Variants in SH3TC1 observed in about 807,000 individuals in gnomAD.
SH3TC1 encodes the protein SH3 domain and tetratricopeptide repeat-containing protein 1.
Under a neutral mutation model 117.3 loss-of-function variants are expected in SH3TC1, and 135 were observed. That is an observed-to-expected ratio of 1.15 (90% CI 1.00 to 1.33). SH3TC1 has a LOEUF of 1.33. Among genes scored for constraint, SH3TC1 ranks in the 40% most tolerant of loss-of-function variants. SH3TC1 has a pLI of 0.00. For missense variants in SH3TC1, 2,092 were observed against 1,794.3 expected, an observed-to-expected ratio of 1.17 and a Z score of -3.00; for synonymous variants, 898 against 816.9, an observed-to-expected ratio of 1.10 and a Z score of -1.69.
At position 8,235,555 on chromosome 4, in the gene SH3TC1, G is replaced by T. The variant is rs750072125; in HGVS notation, c.3405G>T (p.Arg1135=). The T allele has an allele frequency of 6.3e-7, 1 of 1,594,282 alleles. No individual in the cohort carries two copies. The highest frequency in any genetic ancestry group is 1.7e-5 in the Admixed American group (1 of 57,264). Residue 1135 remains arginine (R), a splice_region_variant and synonymous_variant, in exon 15 of 18, where the codon CGG becomes CGT. Coordinates refer to ENST00000245105, the MANE Select transcript of SH3TC1 (RefSeq NM_018986.5). ...WEREKAVSFY[R]DRALPLAVTT... is the part of the protein sequence containing the mutation. ...GGGAGAAAGCTGTGTCCTTCTACCGGGTGAGCTGGCCTGTGGGCTGATGTG... is the reference window on the plus strand; with the variant it reads ...GGGAGAAAGCTGTGTCCTTCTACCGTGTGAGCTGGCCTGTGGGCTGATGTG...
At position 8,216,169 on chromosome 4, in the gene SH3TC1, G is replaced by A; in HGVS notation, c.540G>A (p.Leu180=). The A allele has an allele frequency of 6.2e-7, 1 of 1,613,868 alleles. No homozygotes were observed. Among genetic ancestry groups the A allele is most frequent in the Non-Finnish European group, 8.5e-7 (1 of 1,180,024 alleles). Residue 180 remains leucine, a synonymous_variant, in exon 6 of 18, where the codon TTG becomes TTA. Transcript: ENST00000245105. ...LLMDQAFWLL[L]PSEEEETAIQ... ...TGGACCAGGCCTTCTGGCTGCTCTT[G>A]CCCAGTGAGGAGGAGGAGACGGCCA... is the stretch of plus-strand genomic sequence containing the variant.
chr4:8,232,910 G>A (rs761441783), intron 13 of SH3TC1: 1 of 1,199,412 alleles, frequency 8.3e-7, no homozygotes, highest in Non-Finnish European at 1.1e-6. Flanking sequence ...AGGAGCTTGT[G>A]GCAAGTGGGA....
At chr4:8,239,371 G>C (rs760010236) in intron 17 of SH3TC1, among the ~76,000 whole-genome samples, 10 of 146,812 alleles carry the variant, frequency 6.8e-5, no homozygotes, top group Non-Finnish European at 1.2e-4. Flanking sequence ...ACAGGCACAC[G>C]CACACACAGG....
intron 17 of SH3TC1, 144 bp downstream of exon 17, chr4:8,237,814 G>A: frequency 2.2e-6 from 2 of 925,870 alleles, no homozygotes; most frequent in African/African-American, 1.7e-5. Context: ...TGGAGGAGCT[G>A]GCAAGGTTAG....
At position 8,218,251 on chromosome 4, in the gene SH3TC1, C is replaced by T. The variant is rs1235809172; in HGVS notation, c.840-20C>T. ...CAAATCTGAAATCCCGCAGCAAAGACCTCCCTCTTCCGGCTCCAGGTGGGC... is the reference window on the plus strand; with the variant it reads ...CAAATCTGAAATCCCGCAGCAAAGATCTCCCTCTTCCGGCTCCAGGTGGGC... On this transcript the variant is annotated intron_variant, in intron 7 of 17. Coordinates refer to ENST00000245105, the MANE Select transcript of SH3TC1 (RefSeq NM_018986.5). The T allele has an allele frequency of 1.9e-6, 3 of 1,601,520 alleles. No individual in the cohort carries two copies. Among genetic ancestry groups the T allele is most frequent in the Admixed American group, 1.7e-5 (1 of 59,702 alleles).
At position 8,240,865 on chromosome 4, in the gene SH3TC1, C is replaced by A. The variant is rs754814312; in HGVS notation, c.3921C>A (p.Phe1307Leu). 4.3e-6 allele frequency: 7 copies of A among 1,613,740 alleles called. No homozygotes were observed. Among genetic ancestry groups the A allele is most frequent in the Non-Finnish European group, 5.9e-6 (7 of 1,180,034 alleles). The change falls in exon 18 of 18, where the codon TTC becomes TTA. Residue 1307 changes from phenylalanine (F) to leucine (L), a missense_variant. Transcript: ENST00000245105. ...TCTTCTACCAGAAGGCCAGGACCTTCGCCACAGAGCTCAACGTCCGCAGGG... is the reference window on the plus strand; with the variant it reads ...TCTTCTACCAGAAGGCCAGGACCTTAGCCACAGAGCTCAACGTCCGCAGGG... ...SLFFYQKART[F>L]ATELNVRRVN...
chr4:8,227,281 G>C lies in SH3TC1; in HGVS notation c.1587G>C (p.Val529=). 6.2e-7 allele frequency: 1 copy of C among 1,606,898 alleles called. No individual in the cohort carries two copies. Among genetic ancestry groups the C allele is most frequent in the Non-Finnish European group, 8.5e-7 (1 of 1,177,222 alleles). The change falls in exon 12 of 18, where the codon GTG becomes GTC. Residue 529 remains valine, a synonymous_variant. Transcript: ENST00000245105. ...TGGCGCTGCCGTGGCTGAGCAGCGT[G>C]TTCCGCAGCTTCAGCGACGAGGAGG... The part of the protein sequence containing the change: ...YDVALPWLSS[V]FRSFSDEEEL...
intron 16 of SH3TC1, 182 bp downstream of exon 16, chr4:8,236,610 T>G: frequency 1.5e-6 from 1 of 687,834 alleles, no homozygotes; most frequent in Non-Finnish European, 2.2e-6. Flanking sequence ...CTTCACTCAG[T>G]GCAGAGCTCC....
At chr4:8,240,672 T>G in intron 17 of SH3TC1, 26 bp from the exon 18 acceptor site, 1 of 1,612,844 alleles carries the variant, frequency 6.2e-7, no homozygotes, top group East Asian at 2.2e-5. Context: ...GTCCCCCTTT[T>G]GCTGAGCATG....
chr4:8,231,468 C>G (rs1242004711), intron 12 of SH3TC1: 1 of 158,720 alleles, frequency 6.3e-6, no homozygotes, highest in African/African-American at 2.4e-5. Context: ...TTCCACCGTT[C>G]CCAGCGCCTT....
In SH3TC1 at chr4:8,186,681, C is replaced by G. The variant is rs981408003; in HGVS notation, c.-57+4471C>G. Among the ~76,000 whole-genome samples the G allele has an allele frequency of 6.6e-6, 1 of 152,148 alleles. No individual in the cohort carries two copies. The highest frequency in any genetic ancestry group is 2.4e-5 in the African/African-American group (1 of 41,426). On this transcript the variant is annotated intron_variant, in intron 1 of 16. Transcript: ENST00000508641. The surrounding 1 kb of genome is among the most constrained non-coding windows in gnomAD (Gnocchi z 5.2). ...CCTTGAGGCTGGGTGCGGTGGCTCA[C>G]GCCTGTAATCCCAGCACTTTGGGAG...
chr4:8,207,718 C>T (rs1051721893), intron 2 of SH3TC1, among the ~76,000 whole-genome samples: 6 of 152,196 alleles, frequency 3.9e-5, no homozygotes, highest in African/African-American at 7.2e-5. Flanking sequence ...TTTGGGCTTT[C>T]CCTGTGTCTT....
intron 2 of SH3TC1, among the ~76,000 whole-genome samples, chr4:8,208,738 C>T (rs1718409484): frequency 6.6e-6 from 1 of 152,346 alleles, no homozygotes; most frequent in Admixed American, 6.5e-5. Context: ...TAGGAATGGG[C>T]TCTGGCCACA....
chr4:8,223,693 C>T (rs989128043), intron 10 of SH3TC1, among the ~76,000 whole-genome samples: 2 of 149,146 alleles, frequency 1.3e-5, no homozygotes, highest in African/African-American at 5.0e-5. Flanking sequence ...AGTGCAGTGG[C>T]ATGATCTCGG....
At chr4:8,238,312 G>A (rs936929237) in intron 17 of SH3TC1, among the ~76,000 whole-genome samples, 2 of 152,314 alleles carry the variant, frequency 1.3e-5, no homozygotes, top group African/African-American at 2.4e-5. Flanking sequence ...TGCTGGTCGG[G>A]TCTGTCTGGA....
intron 17 of SH3TC1, among the ~76,000 whole-genome samples, chr4:8,238,550 C>T (rs577446633): frequency 1.8e-4 from 28 of 152,278 alleles, no homozygotes; most frequent in Middle Eastern, 6.8e-3. Flanking sequence ...TGAGGAGCTG[C>T]GGCAACCCTA....
At chr4:8,226,932 G>A (rs748491678) in intron 11 of SH3TC1, 48 bp from the exon 12 acceptor site, 30 of 1,422,190 alleles carry the variant, frequency 2.1e-5, no homozygotes, top group Admixed American at 5.1e-5. Context: ...GTGGACCCAG[G>A]ACTCACTGCT....
Position 8,214,553 on chromosome 4 carries a change from T to G in SH3TC1, c.454T>G (p.Trp152Gly). 1 of 1,613,928 alleles carries G rather than the reference T, an allele frequency of 6.2e-7. No individual in the cohort carries two copies. Among genetic ancestry groups the G allele is most frequent in the South Asian group, 1.1e-5 (1 of 91,064 alleles). ...GACGTTTAAGACTTTTGAAGAAATC[T>G]GGAAGTTTTCCACCTACCATGCTCT... The part of the protein sequence containing the change: ...VVTFKTFEEI[W>G]KFSTYHALGF... Residue 152 changes from tryptophan to glycine, a missense_variant, in exon 5 of 18, where the codon TGG (tryptophan) becomes GGG (glycine). Physicochemically the swap from Trp to Gly is radical, Grantham distance 184. Transcript: ENST00000245105.
chr4:8,224,933 C>T (rs1720319264), intron 10 of SH3TC1: 4 of 506,462 alleles, frequency 7.9e-6, no homozygotes, highest in Non-Finnish European at 1.4e-5. Context: ...TGGCTGGTGC[C>T]TCTCCCTCAG....
Sources: gnomAD v4.1 joint callset for allele counts (sites outside exome capture counted in the v4.1 genomes callset) on GRCh38, gnomAD v4.1.1 for gene constraint, Gnocchi (gnomAD v3.1) non-coding constraint, MANE v1.5 for transcripts, NCBI Gene and HGNC (gene_info 2026-07-23, HGNC 2026-07-21) for gene names.